MYT1L: variants seen among roughly 807,000 people sequenced by gnomAD.
The protein encoded by MYT1L is myelin transcription factor 1-like protein.
In MYT1L, 12 loss-of-function variants were observed where a neutral mutation model predicts 126.7. The ratio of observed to expected loss-of-function variants is 0.09; its 90% CI spans 0.06 to 0.15. The LOEUF (loss-of-function observed/expected upper bound fraction) is 0.15. MYT1L is among the 10% of genes least tolerant of loss of function. The pLI, the probability that MYT1L is intolerant of heterozygous loss-of-function variation, is 1.00. For synonymous variants in MYT1L, 541 were observed against 604.2 expected (o/e 0.90, Z 1.53); for missense variants, 979 against 1,585.2 (o/e 0.62, Z 6.49).
At chr2:1,803,110 A>G (rs2035132438) in intron 22 of MYT1L, among the ~76,000 whole-genome samples, 1 of 152,222 alleles carries the variant, frequency 6.6e-6, no homozygotes, top group Non-Finnish European at 1.5e-5. Context: ...AAAGTGATGG[A>G]TCAGTGGGAT....
intron 2 of MYT1L, among the ~76,000 whole-genome samples, chr2:2,238,199 G>T (rs909083759): frequency 3.3e-5 from 5 of 152,288 alleles, no homozygotes; most frequent in Admixed American, 3.3e-4. Context: ...TTATTGTAAG[G>T]AAGGTAAATC....
At chr2:2,001,326 G>T (rs1574381786) in intron 4 of MYT1L, among the ~76,000 whole-genome samples, 2 of 128,540 alleles carry the variant, frequency 1.6e-5, no homozygotes, top group Admixed American at 8.8e-5. Flanking sequence ...TTCCTCAATT[G>T]CACTTTAAAT....
intron 5 of MYT1L, among the ~76,000 whole-genome samples, chr2:1,984,307 C>T (rs566357750): frequency 1.3e-5 from 2 of 152,148 alleles, no homozygotes; most frequent in African/African-American, 2.4e-5. Context: ...GCTGCACCCT[C>T]GAACTCCACT....
At chr2:1,899,184 C>T (rs185853028) in intron 14 of MYT1L, among the ~76,000 whole-genome samples, 9 of 152,184 alleles carry the variant, frequency 5.9e-5, no homozygotes, top group African/African-American at 2.2e-4. Flanking sequence ...GATTTTGTAG[C>T]AAATGTTTCG....
chr2:2,221,596 A>G (rs991919922), intron 2 of MYT1L, among the ~76,000 whole-genome samples: 4 of 152,212 alleles, frequency 2.6e-5, no homozygotes, highest in Non-Finnish European at 1.5e-5. Context: ...AAGGGAACAG[A>G]AAATGACCGC....
At chr2:2,281,296 A>G (rs1337869682) in intron 2 of MYT1L, among the ~76,000 whole-genome samples, 1 of 152,246 alleles carries the variant, frequency 6.6e-6, no homozygotes, top group Non-Finnish European at 1.5e-5. Context: ...CTGTGAGTCA[A>G]TTAAACCTCT....
chr2:1,867,057 TG>T (rs1558212306), intron 18 of MYT1L, among the ~76,000 whole-genome samples: 1 of 24,420 alleles, frequency 4.1e-5, no homozygotes, highest in Non-Finnish European at 8.5e-5. Context: ...GAGAGAGGGT[TG>T]GGGGAGAGAG....
intron 3 of MYT1L, among the ~76,000 whole-genome samples, chr2:2,119,459 T>A (rs933486762): frequency 2.0e-5 from 3 of 152,192 alleles, no homozygotes; most frequent in African/African-American, 7.2e-5. Context: ...ATGAATATAT[T>A]AAAAATTTAT....
intron 3 of MYT1L, among the ~76,000 whole-genome samples, chr2:2,111,556 G>C (rs2079461215): frequency 6.6e-6 from 1 of 152,198 alleles, no homozygotes; most frequent in Non-Finnish European, 1.5e-5. Context: ...CTTGAAAACA[G>C]AGGCTAGAAA....
chr2:2,029,685 G>T (rs1443330732), intron 4 of MYT1L, among the ~76,000 whole-genome samples: 1 of 152,166 alleles, frequency 6.6e-6, no homozygotes, highest in East Asian at 1.9e-4. Flanking sequence ...ACTTGGATTT[G>T]AAATTAGGTT....
rs546039463 is a variant in MYT1L, at chr2:1,900,721, A to C, written c.2032+2359T>G. On this transcript the variant is annotated intron_variant, in intron 14 of 24. Coordinates refer to ENST00000647738, the MANE Select transcript of MYT1L (RefSeq NM_001303052.2). ...ACTTGCGCCTCTAAAATTTGTACACAAATAAGTGGAGGGCCGGCTCATTTT... is the reference window on the plus strand; with the variant it reads ...ACTTGCGCCTCTAAAATTTGTACACCAATAAGTGGAGGGCCGGCTCATTTT... 6.6e-5 allele frequency among the ~76,000 whole-genome samples: 10 copies of C among 152,314 alleles called. No individual in the cohort carries two copies. The South Asian group carries it at 1.9e-3, about 28-fold the overall frequency.
In MYT1L at chr2:1,942,949, G is replaced by A. The variant is rs531951898; in HGVS notation, c.505+33C>T. 447 of 1,495,672 alleles carry A rather than the reference G, an allele frequency of 3.0e-4. No individual in the cohort carries two copies. Among genetic ancestry groups the A allele is most frequent in the Middle Eastern group, 1.0e-3 (6 of 5,730 alleles). 92.7% of individuals were successfully genotyped at this position (1,495,672 alleles called of 1,614,324 possible). A position where few individuals can be genotyped will look rare whatever the true frequency, so the allele number is the denominator to read the frequency against. Reference sequence around the variant, plus strand: ...ACCTTGAACAGTGGACCCAAATCACGACTTGTTACTTTGCTAATATTTTAA... The same window carrying A: ...ACCTTGAACAGTGGACCCAAATCACAACTTGTTACTTTGCTAATATTTTAA... On this transcript the variant is annotated intron_variant, in intron 9 of 24. Transcript: ENST00000647738.
At chr2:1,809,267 G>T in intron 21 of MYT1L, 100 bp from the exon 22 acceptor site, 1 of 1,148,610 alleles carries the variant, frequency 8.7e-7, no homozygotes, top group Non-Finnish European at 1.3e-6. Context: ...TTATTAGGTT[G>T]GTTGCCAGCA....
At position 1,815,223 on chromosome 2, in the gene MYT1L, C is replaced by T. The variant is rs138509563; in HGVS notation, c.3081-6056G>A. ...TCTCTGGGGCACATGGTTGAGAGCC[C>T]GAGGTGAGGCCCCTCTGCGGCTGGG... On this transcript the variant is annotated intron_variant, in intron 21 of 24. Transcript: ENST00000647738. Among the ~76,000 whole-genome samples, 12 of 152,270 alleles carry T rather than the reference C, an allele frequency of 7.9e-5. No homozygotes were observed. The East Asian group carries it at 1.9e-3, about 25-fold the overall frequency.
intron 3 of MYT1L, among the ~76,000 whole-genome samples, chr2:2,160,155 C>A (rs1196566830): frequency 1.3e-5 from 2 of 152,152 alleles, no homozygotes; most frequent in Admixed American, 1.3e-4. Context: ...ACACTCATTG[C>A]ATGTTAGTTC....
intron 8 of MYT1L, among the ~76,000 whole-genome samples, chr2:1,945,806 A>G (rs1337160060): frequency 1.3e-5 from 2 of 152,216 alleles, no homozygotes; most frequent in African/African-American, 2.4e-5. Flanking sequence ...CAATTATCCA[A>G]CAAACATGTC....
At chr2:2,200,826 G>A (rs2093040338) in intron 2 of MYT1L, among the ~76,000 whole-genome samples, 2 of 152,174 alleles carry the variant, frequency 1.3e-5, no homozygotes, top group South Asian at 2.1e-4. Context: ...GAGCTCTCAC[G>A]CTGGAGCCAT....
intron 4 of MYT1L, among the ~76,000 whole-genome samples, chr2:2,006,115 C>T (rs956342030): frequency 3.3e-5 from 5 of 152,146 alleles, no homozygotes; most frequent in Non-Finnish European, 7.3e-5. Flanking sequence ...TTCTTTCCTC[C>T]ATGCGTTGTT....
intron 1 of MYT1L, among the ~76,000 whole-genome samples, chr2:2,286,845 G>T (rs1259977033): frequency 6.6e-6 from 1 of 152,142 alleles, no homozygotes; most frequent in Non-Finnish European, 1.5e-5. Context: ...AGGCGGGAAG[G>T]GTGCGCGAAA....
Sources: allele counts gnomAD v4.1 joint callset (sites outside exome capture counted in the v4.1 genomes callset), GRCh38; gene constraint gnomAD v4.1.1; transcripts MANE v1.5; gene names NCBI Gene and HGNC (gene_info 2026-07-23, HGNC 2026-07-21).